The following S100PBP variants were observed in gnomAD, a reference collection of about 807,000 sequenced individuals.
S100PBP encodes S100P binding protein, also known as S100P-binding protein.
In S100PBP, 15 loss-of-function variants were observed where a neutral mutation model predicts 39.9. The observed-to-expected ratio is 0.38, with a 90% CI of 0.25 to 0.58. The LOEUF (loss-of-function observed/expected upper bound fraction) is 0.58. Ranked by LOEUF, S100PBP falls within the 20% of genes least tolerant of loss-of-function variation. The probability of loss-of-function intolerance (pLI) is 0.70; values close to 1 mark genes in which losing one functional copy is unlikely to be tolerated. For synonymous variants in S100PBP, 178 were observed against 180.3 expected, an observed-to-expected ratio of 0.99 and a Z score of 0.10; for missense variants, 504 against 487.3, an observed-to-expected ratio of 1.03 and a Z score of -0.32.
chr1:32,858,313 C>T lies in S100PBP; in HGVS notation c.*2275C>T, dbSNP rs1434653128. 1 of 152,670 alleles carries T rather than the reference C, an allele frequency of 6.6e-6. No homozygotes were observed. Among genetic ancestry groups the T allele is most frequent in the East Asian group, 1.9e-4 (1 of 5,204 alleles). 9.5% of individuals were successfully genotyped at this position (152,670 alleles called of 1,614,324 possible). Reference sequence around the variant, plus strand: ...GGTTAACTAGAAAATGTGACAATCACATTTCCTCTTAGCTCAAATAATTCT... The same window carrying T: ...GGTTAACTAGAAAATGTGACAATCATATTTCCTCTTAGCTCAAATAATTCT... On this transcript the variant is annotated 3_prime_UTR_variant, in exon 7 of 7. Coordinates refer to ENST00000373475, the MANE Select transcript of S100PBP (RefSeq NM_022753.4).
chr1:32,855,873 G>A, intron 6 of S100PBP, 51 bp from the exon 7 acceptor site: 1 of 1,200,850 alleles, frequency 8.3e-7, no homozygotes, highest in South Asian at 1.3e-5. Flanking sequence ...TGTACAAATA[G>A]CCATTCTAGT....
chr1:32,822,785 A>AT (rs989580438), intron 1 of S100PBP, among the ~76,000 whole-genome samples: 6 of 152,088 alleles, frequency 3.9e-5, no homozygotes, highest in Admixed American at 1.3e-4. Flanking sequence ...AGAAAAGCCC[A>AT]TTTTTTTGCA....
chr1:32,841,307 C>T (rs1047046304), intron 5 of S100PBP, among the ~76,000 whole-genome samples: 1 of 151,988 alleles, frequency 6.6e-6, no homozygotes, highest in East Asian at 1.9e-4. Context: ...TCTTTTCATT[C>T]CCATAAGTGT....
In S100PBP at chr1:32,845,496, T is replaced by G. The variant is rs1231077380; in HGVS notation, c.1025-7583T>G. On this transcript the variant is annotated intron_variant, in intron 5 of 6. Transcript: ENST00000373475. ...GTTACCCAGGCTAGTCTCGAACTCT[T>G]GGCCTCCCAAAGTGCCACAATTACA... is the stretch of plus-strand genomic sequence containing the variant. Among the ~76,000 whole-genome samples the G allele has an allele frequency of 3.3e-5, 5 of 152,032 alleles. No homozygotes were observed. In the East Asian group the frequency reaches 7.8e-4, roughly 24 times the overall value.
At chr1:32,841,927 G>A (rs1450623477) in intron 5 of S100PBP, among the ~76,000 whole-genome samples, 2 of 151,312 alleles carry the variant, frequency 1.3e-5, no homozygotes, top group Admixed American at 1.3e-4. Context: ...ATTAAAGCCT[G>A]TAATCCCAGC....
intron 1 of S100PBP, among the ~76,000 whole-genome samples, chr1:32,819,057 G>A (rs751754443): frequency 6.6e-6 from 1 of 152,034 alleles, no homozygotes; most frequent in Non-Finnish European, 1.5e-5. Flanking sequence ...GAAGGCAGTA[G>A]GTTTTCTGAG....
At position 32,855,921 on chromosome 1, in the gene S100PBP, T is replaced by C; in HGVS notation, c.1113-3T>C. On this transcript the variant is annotated splice_polypyrimidine_tract_variant and splice_region_variant and intron_variant, in intron 6 of 6. Transcript: ENST00000373475. ...CCTGTTTGTACTCTCCCTCTCTCGA[T>C]AGAAACTACGCCCGCCGACAGAAAC... 1 of 1,609,992 alleles carries C rather than the reference T, an allele frequency of 6.2e-7. No individual in the cohort carries two copies. The highest frequency in any genetic ancestry group is 8.5e-7 in the Non-Finnish European group (1 of 1,177,086).
At chr1:32,840,878 C>T (rs918892737) in intron 5 of S100PBP, among the ~76,000 whole-genome samples, 3 of 151,578 alleles carry the variant, frequency 2.0e-5, no homozygotes, top group East Asian at 1.9e-4. Flanking sequence ...GGATTATTTT[C>T]GGCCAGGCGC....
At chr1:32,818,871 A>G (rs1397323817) in intron 1 of S100PBP, 3 of 152,310 alleles carry the variant, frequency 2.0e-5, no homozygotes, top group African/African-American at 2.4e-5. Context: ...CATTTGGGAA[A>G]GGTTGGAAAT....
Position 32,826,922 on chromosome 1 carries a change from TCAAA to T in S100PBP, c.828_831del (p.Lys277ArgfsTer11), listed in dbSNP as rs756709578. On this transcript the variant is annotated frameshift_variant, in exon 3 of 7. Coordinates refer to ENST00000373475, the MANE Select transcript of S100PBP (RefSeq NM_022753.4). LOFTEE classifies it high-confidence loss of function. ...GAGATCTCTGGTTGTTTCCACCTCA[TCAAA>T]CAAAGTAAGTATATTTTATTCAAGG... 8.3e-6 allele frequency: 13 copies of T among 1,566,264 alleles called. No homozygotes were observed. In the Admixed American group the frequency reaches 1.4e-4, roughly 17 times the overall value.
chr1:32,837,074 T>TA (rs1231244646), intron 5 of S100PBP: 62 of 87,690 alleles, frequency 7.1e-4, no homozygotes, highest in Non-Finnish European at 8.2e-4. Context: ...CCATCTCTAC[T>TA]AAAAAAAAAA....
chr1:32,819,063 C>T (rs994849637), intron 1 of S100PBP, among the ~76,000 whole-genome samples: 31 of 151,810 alleles, frequency 2.0e-4, no homozygotes, highest in Admixed American at 1.8e-3. Flanking sequence ...AGTAGGTTTT[C>T]TGAGGTGAGA....
intron 5 of S100PBP, among the ~76,000 whole-genome samples, chr1:32,840,214 G>C (rs1053483225): frequency 6.6e-6 from 1 of 152,050 alleles, no homozygotes; most frequent in Non-Finnish European, 1.5e-5. Context: ...TTGAACTCCT[G>C]ACCTCAAGTG....
chr1:32,829,217 C>T (rs539726890), intron 4 of S100PBP, among the ~76,000 whole-genome samples: 1 of 152,176 alleles, frequency 6.6e-6, no homozygotes, highest in Non-Finnish European at 1.5e-5. Context: ...TTCTTTAGTA[C>T]AGTCAGTCAG....
In S100PBP at chr1:32,856,127, C is replaced by A. The variant is rs184602019; in HGVS notation, c.*89C>A. The A allele has an allele frequency of 1.3e-6, 1 of 798,496 alleles. No homozygotes were observed. 49.5% of individuals were successfully genotyped at this position (798,496 alleles called of 1,614,324 possible). A position where few individuals can be genotyped will look rare whatever the true frequency, so the allele number is the denominator to read the frequency against. On this transcript the variant is annotated 3_prime_UTR_variant, in exon 7 of 7. Transcript: ENST00000373475. ...GTTCTTTTGCTGTTTTGTGCTTTGC[C>A]GATTTTGGATTTTATTTTTCACAAA...
At chr1:32,838,768 A>G (rs991819653) in intron 5 of S100PBP, among the ~76,000 whole-genome samples, 128 of 152,076 alleles carry the variant, frequency 8.4e-4, no homozygotes, top group Non-Finnish European at 1.5e-3. Context: ...GCTGGAACCC[A>G]GGAGGCAGAG....
At chr1:32,842,332 T>A (rs1640157130) in intron 5 of S100PBP, among the ~76,000 whole-genome samples, 1 of 150,594 alleles carries the variant, frequency 6.6e-6, no homozygotes, top group Non-Finnish European at 1.5e-5. Context: ...TACCATTTAT[T>A]GAAAAGACTG....
At chr1:32,838,671 C>T (rs1298985093) in intron 5 of S100PBP, among the ~76,000 whole-genome samples, 1 of 151,956 alleles carries the variant, frequency 6.6e-6, no homozygotes, top group Non-Finnish European at 1.5e-5. Flanking sequence ...GGTGAAACCC[C>T]GTCTCTACTA....
rs532874808 is a variant in S100PBP at position 32,853,019 on chromosome 1, T to C, written c.1025-60T>C. The C allele has an allele frequency of 6.0e-5, 68 of 1,133,146 alleles. No homozygotes were observed. In the African/African-American group the frequency reaches 9.9e-4, roughly 17 times the overall value. 70.2% of individuals were successfully genotyped at this position (1,133,146 alleles called of 1,614,324 possible). ...TCTCTTTCCCTGAAAACACATACTT[T>C]GACGTTGGCTGACGTAGTTCACTCA... On this transcript the variant is annotated intron_variant, in intron 5 of 6. Coordinates refer to ENST00000373475, the MANE Select transcript of S100PBP (RefSeq NM_022753.4).
Sources: allele counts gnomAD v4.1 joint callset (sites outside exome capture counted in the v4.1 genomes callset), GRCh38; gene constraint gnomAD v4.1.1; transcripts MANE v1.5; gene names NCBI Gene and HGNC (gene_info 2026-07-23, HGNC 2026-07-21).